The following CCSER1 variants were observed in gnomAD, a reference collection of about 807,000 sequenced individuals.
The protein encoded by CCSER1 is coiled-coil serine rich protein 1.
A neutral mutation model predicts 82.0 loss-of-function variants in CCSER1; 41 were observed. That is an observed-to-expected ratio of 0.50 (90% CI 0.39 to 0.65). The LOEUF (loss-of-function observed/expected upper bound fraction) is 0.65, where lower values mean the gene tolerates loss of function less well. Among genes scored for constraint, CCSER1 ranks in the 30% least tolerant of loss-of-function variants. CCSER1 has a pLI of 0.00. For synonymous variants in CCSER1, 414 were observed against 383.9 expected (o/e 1.08, Z -0.92); for missense variants, 1,119 against 1,064.2 (o/e 1.05, Z -0.72).
At chr4:91,442,933 A>C (rs1279381559) in intron 10 of CCSER1, among the ~76,000 whole-genome samples, 2 of 152,228 alleles carry the variant, frequency 1.3e-5, no homozygotes, top group Non-Finnish European at 2.9e-5. Flanking sequence ...ATACCATCTC[A>C]CACCAGTTAG....
At position 90,800,714 on chromosome 4, in the gene CCSER1, T is replaced by A. The variant is rs1029084511; in HGVS notation, c.2011-15048T>A. On this transcript the variant is annotated intron_variant, in intron 7 of 10. Coordinates refer to ENST00000509176, the MANE Select transcript of CCSER1 (RefSeq NM_001145065.2). ...GTCTTAAATATAGTTCCAAATCGAT[T>A]TTTAATGAAACCCATGGGTTTTAGG... Among the ~76,000 whole-genome samples, 11 of 66,598 alleles carry A rather than the reference T, an allele frequency of 1.7e-4. No individual in the cohort carries two copies. In the East Asian group the frequency reaches 6.3e-3, roughly 38 times the overall value. 43.7% of individuals were successfully genotyped at this position (66,598 alleles called of 152,430 possible).
chr4:90,282,836 G>C (rs1729125512), intron 1 of CCSER1, among the ~76,000 whole-genome samples: 1 of 151,870 alleles, frequency 6.6e-6, no homozygotes, highest in Admixed American at 6.6e-5. Context: ...TATTTCACAA[G>C]AGTCAGATTA....
intron 10 of CCSER1, among the ~76,000 whole-genome samples, chr4:91,481,042 C>T (rs1052369564): frequency 2.1e-5 from 3 of 140,430 alleles, no homozygotes; most frequent in African/African-American, 5.3e-5. Context: ...TTTCCCTCCC[C>T]TCCCCACCCC....
chr4:90,158,302 A>G (rs1264144157), intron 1 of CCSER1, among the ~76,000 whole-genome samples: 36 of 152,116 alleles, frequency 2.4e-4, no homozygotes, highest in Admixed American at 2.4e-3. Context: ...GGTGCCTCCC[A>G]GTTAGGCTGC....
At chr4:91,371,527 A>C (rs538342205) in intron 10 of CCSER1, among the ~76,000 whole-genome samples, 1 of 152,244 alleles carries the variant, frequency 6.6e-6, no homozygotes, top group Non-Finnish European at 1.5e-5. Context: ...TAATTGCTGA[A>C]TAGTATCCCA....
intron 1 of CCSER1, among the ~76,000 whole-genome samples, chr4:90,128,705 G>A (rs1400811561): frequency 1.3e-5 from 2 of 152,134 alleles, no homozygotes; most frequent in Non-Finnish European, 2.9e-5. Flanking sequence ...TTCTGCGTGC[G>A]TGGAGGCTGA....
chr4:90,953,939 A>G (rs746373088), intron 9 of CCSER1, among the ~76,000 whole-genome samples: 1 of 151,960 alleles, frequency 6.6e-6, no homozygotes, highest in Non-Finnish European at 1.5e-5. Context: ...TAGAGTTGTC[A>G]TAACAAAAGA....
At chr4:91,009,939 A>C (rs193028067) in intron 9 of CCSER1, among the ~76,000 whole-genome samples, 1 of 152,310 alleles carries the variant, frequency 6.6e-6, no homozygotes, top group Admixed American at 6.5e-5. Flanking sequence ...ATAGAGCACC[A>C]TAACAGTCTT....
chr4:90,622,522 G>GT (rs963229384), intron 5 of CCSER1, among the ~76,000 whole-genome samples: 9 of 152,006 alleles, frequency 5.9e-5, no homozygotes, highest in African/African-American at 1.4e-4. Flanking sequence ...TGCGGTGTTT[G>GT]TTTTTTTGTC....
intron 1 of CCSER1, among the ~76,000 whole-genome samples, chr4:90,156,736 C>A (rs1179560631): frequency 6.6e-6 from 1 of 152,098 alleles, no homozygotes; most frequent in African/African-American, 2.4e-5. Flanking sequence ...GTAGATCTTC[C>A]TCTATCCTTT....
chr4:90,716,964 C>T (rs141520677), intron 6 of CCSER1, among the ~76,000 whole-genome samples: 118 of 152,214 alleles, frequency 7.8e-4, no homozygotes, highest in African/African-American at 2.8e-3. Context: ...CTTGCCATTT[C>T]CTAGATTGAC....
intron 10 of CCSER1, among the ~76,000 whole-genome samples, chr4:91,219,308 CT>C (rs59884169): frequency 3.5e-3 from 351 of 99,898 alleles, no homozygotes; most frequent in Middle Eastern, 8.3e-3. Context: ...TACAGTTTGG[CT>C]TTTTTTTTTT....
At chr4:91,096,105 G>A (rs1724482814) in intron 10 of CCSER1, among the ~76,000 whole-genome samples, 1 of 152,194 alleles carries the variant, frequency 6.6e-6, no homozygotes. Flanking sequence ...AGAGGTGAAA[G>A]GGTAATATAA....
intron 10 of CCSER1, among the ~76,000 whole-genome samples, chr4:91,155,699 C>G (rs1406110178): frequency 6.6e-6 from 1 of 151,894 alleles, no homozygotes; most frequent in East Asian, 1.9e-4. Context: ...TTAATTATAT[C>G]TCCCTTTATT....
intron 10 of CCSER1, among the ~76,000 whole-genome samples, chr4:91,312,813 T>C (rs566605033): frequency 6.6e-6 from 1 of 152,042 alleles, no homozygotes; most frequent in African/African-American, 2.4e-5. Context: ...TGTAAAAAAA[T>C]TGCACTTGTA....
chr4:91,397,406 T>A (rs569332457), intron 10 of CCSER1, among the ~76,000 whole-genome samples: 1 of 152,232 alleles, frequency 6.6e-6, no homozygotes, highest in African/African-American at 2.4e-5. Flanking sequence ...CCTTTATTCT[T>A]CATGTATTTT....
chr4:90,705,006 C>G (rs1739032899), intron 6 of CCSER1, among the ~76,000 whole-genome samples: 1 of 152,200 alleles, frequency 6.6e-6, no homozygotes, highest in Non-Finnish European at 1.5e-5. Context: ...CTTTGTTCCA[C>G]TGCTGGTGAG....
intron 8 of CCSER1, among the ~76,000 whole-genome samples, chr4:90,902,816 G>A (rs975119545): frequency 6.6e-6 from 1 of 151,946 alleles, no homozygotes; most frequent in Non-Finnish European, 1.5e-5. Context: ...GATGATGAGT[G>A]GAAGCACCTG....
intron 10 of CCSER1, among the ~76,000 whole-genome samples, chr4:91,221,454 C>A (rs930040434): frequency 1.3e-5 from 2 of 151,982 alleles, no homozygotes; most frequent in African/African-American, 4.8e-5. Context: ...TCAAGATACA[C>A]ATTTATTAAA....
Sources: gnomAD v4.1 joint callset for allele counts (sites outside exome capture counted in the v4.1 genomes callset) on GRCh38, gnomAD v4.1.1 for gene constraint, MANE v1.5 for transcripts, NCBI Gene and HGNC (gene_info 2026-07-23, HGNC 2026-07-21) for gene names.